Variants in SLC7A2 observed in about 807,000 individuals in gnomAD.
SLC7A2 encodes cationic amino acid transporter 2.
In SLC7A2, 48 loss-of-function variants were observed where a neutral mutation model predicts 58.9. The observed-to-expected ratio is 0.82, with a 90% CI of 0.65 to 1.04. The LOEUF (loss-of-function observed/expected upper bound fraction) is 1.04. Ranked by LOEUF, SLC7A2 falls within the 50% of genes least tolerant of loss-of-function variation. The probability of loss-of-function intolerance (pLI) is 0.00; values close to 1 mark genes in which losing one functional copy is unlikely to be tolerated. For missense variants in SLC7A2, 1,029 were observed against 818.8 expected, an observed-to-expected ratio of 1.26 and a Z score of -3.13; for synonymous variants, 363 against 314.5, an observed-to-expected ratio of 1.15 and a Z score of -1.63.
In SLC7A2 at chr8:17,503,839, G is replaced by A. The variant is rs76174588; in HGVS notation, c.-23+1537G>A. Among the ~76,000 whole-genome samples the A allele has an allele frequency of 9.0e-3, 1,371 of 152,290 alleles. 23 individuals are homozygous for A. Among genetic ancestry groups the A allele is most frequent in the African/African-American group, 0.031 (1,279 of 41,560 alleles). ...TGAATTCACCAGCAAGTTTTAAGTG[G>A]TTTCTTTAATTCAGTTGTGATTTAA... is the stretch of plus-strand genomic sequence containing the variant. On this transcript the variant is annotated intron_variant, in intron 2 of 12. Transcript: ENST00000494857.
intron 2 of SLC7A2, among the ~76,000 whole-genome samples, chr8:17,516,878 G>T (rs1800825602): frequency 6.6e-6 from 1 of 152,160 alleles, no homozygotes; most frequent in Non-Finnish European, 1.5e-5. Flanking sequence ...TAGGTATTTG[G>T]GATAAACCAG....
At chr8:17,496,864 C>T (rs1489512703), upstream of SLC7A2, among the ~76,000 whole-genome samples, 1 of 151,992 alleles carries the variant, frequency 6.6e-6, no homozygotes, top group East Asian at 1.9e-4. Flanking sequence ...GCCCACCGGC[C>T]TAGCCCGGGG....
At chr8:17,516,498 A>C (rs779192981) in intron 2 of SLC7A2, among the ~76,000 whole-genome samples, 5 of 152,210 alleles carry the variant, frequency 3.3e-5, no homozygotes, top group African/African-American at 4.8e-5. Flanking sequence ...AGCTGGGATG[A>C]CAGGCGTGAG....
Position 17,568,996 on chromosome 8 carries a change from T to C in SLC7A2, c.*3850T>C, listed in dbSNP as rs758057690. ...AAAAATAAAAATAAAACACTTTAAT[T>C]AGAATCTATTTTTACCTATTTTCTA... On this transcript the variant is annotated 3_prime_UTR_variant, in exon 13 of 13. Transcript: ENST00000494857. The C allele has an allele frequency of 4.6e-5, 7 of 152,034 alleles. No homozygotes were observed. The highest frequency in any genetic ancestry group is 1.0e-4 in the Non-Finnish European group (7 of 67,984). The allele number at this position is 152,034 out of a possible 1,614,324, so 9.4% of individuals were successfully genotyped here. A position where few individuals can be genotyped will look rare whatever the true frequency, so the allele number is the denominator to read the frequency against.
At chr8:17,545,011 T>C (rs1295898782) in intron 4 of SLC7A2, among the ~76,000 whole-genome samples, 2 of 152,244 alleles carry the variant, frequency 1.3e-5, no homozygotes, top group Non-Finnish European at 2.9e-5. Flanking sequence ...TTTTCTGACA[T>C]GGCTTCATCT....
At chr8:17,529,104 A>G (rs1382427197) in intron 2 of SLC7A2, among the ~76,000 whole-genome samples, 2 of 152,370 alleles carry the variant, frequency 1.3e-5, no homozygotes, top group African/African-American at 4.8e-5. Flanking sequence ...AGGCTTTAAC[A>G]TTAAATGTTA....
rs559031214 is a variant in SLC7A2 at position 17,564,980 on chromosome 8, G to C, written c.1811G>C (p.Arg604Thr). 38 of 1,610,104 alleles carry C rather than the reference G, an allele frequency of 2.4e-5. No individual in the cohort carries two copies. In the African/African-American group the frequency reaches 4.4e-4, roughly 19 times the overall value. The change falls in exon 13 of 13, where the codon AGA (arginine) becomes ACA (threonine). Residue 604 changes from arginine to threonine, a missense_variant. Coordinates refer to ENST00000494857, the MANE Select transcript of SLC7A2 (RefSeq NM_001370338.1). ...GFLIYFSYGI[R>T]HSLEGHLRDE... is the part of the protein sequence containing the mutation. ...CTGATTTACTTTTCTTATGGCATTA[G>C]ACACAGCCTGGAGGGTCATCTGAGA... is the stretch of plus-strand genomic sequence containing the variant.
At chr8:17,564,156 C>T (rs545026295) in intron 12 of SLC7A2, among the ~76,000 whole-genome samples, 6 of 152,260 alleles carry the variant, frequency 3.9e-5, no homozygotes, top group Non-Finnish European at 5.9e-5. Flanking sequence ...GACAGTGACA[C>T]GTGTAAAGCA....
intron 4 of SLC7A2, among the ~76,000 whole-genome samples, chr8:17,546,082 A>T (rs1254854392): frequency 6.6e-6 from 1 of 152,172 alleles, no homozygotes; most frequent in Non-Finnish European, 1.5e-5. Flanking sequence ...CAAAGAATTG[A>T]TTTTTGTTTT....
intron 2 of SLC7A2, among the ~76,000 whole-genome samples, chr8:17,521,813 A>G (rs770077044): frequency 5.9e-5 from 9 of 152,228 alleles, no homozygotes; most frequent in Non-Finnish European, 1.3e-4. Context: ...AAAGGAAGAA[A>G]TCAAACCCAA....
intron 1 of SLC7A2, chr8:17,498,936 T>C (rs151197328): frequency 6.6e-6 from 1 of 152,364 alleles, no homozygotes; most frequent in African/African-American, 2.4e-5. Context: ...GCTGGAGTTT[T>C]TCATCTTGCA....
Position 17,504,778 on chromosome 8 carries a change from A to G in SLC7A2, c.-23+2476A>G, listed in dbSNP as rs543447590. ...GAAATTTTACTGCAACTCTTAAAAG[A>G]TTGAGTAACTGACTCAAACAGGAGA... On this transcript the variant is annotated intron_variant, in intron 2 of 12. Coordinates refer to ENST00000494857, the MANE Select transcript of SLC7A2 (RefSeq NM_001370338.1). Among the ~76,000 whole-genome samples, 9 of 152,354 alleles carry G rather than the reference A, an allele frequency of 5.9e-5. No individual in the cohort carries two copies. In the South Asian group the frequency reaches 1.9e-3, roughly 32 times the overall value.
At chr8:17,496,085 A>T (rs1054248376), upstream of SLC7A2, among the ~76,000 whole-genome samples, 2 of 152,214 alleles carry the variant, frequency 1.3e-5, no homozygotes, top group African/African-American at 4.8e-5. Flanking sequence ...GGTTAAAGGG[A>T]CGTTTACTCC....
Position 17,544,539 on chromosome 8 carries a change from A to G in SLC7A2, c.465A>G (p.Arg155=). The G allele has an allele frequency of 6.2e-7, 1 of 1,614,044 alleles. No homozygotes were observed. Among genetic ancestry groups the G allele is most frequent in the Non-Finnish European group, 8.5e-7 (1 of 1,179,936 alleles). The change falls in exon 4 of 13, where the codon AGA becomes AGG. Residue 155 remains arginine (R), a synonymous_variant. Transcript: ENST00000494857. ...QIGQFLRTYF[R]MNYTGLAEYP... ...GTCAGTTTTTGAGGACATACTTCAG[A>G]ATGAATTACACTGGTCTTGCAGAAT...
intron 2 of SLC7A2, among the ~76,000 whole-genome samples, chr8:17,521,976 G>C (rs1351003989): frequency 6.6e-6 from 1 of 152,192 alleles, no homozygotes; most frequent in Non-Finnish European, 1.5e-5. Flanking sequence ...TACTGAGACT[G>C]TGTCCTTAAT....
At chr8:17,522,007 A>C (rs561328221) in intron 2 of SLC7A2, among the ~76,000 whole-genome samples, 1 of 152,320 alleles carries the variant, frequency 6.6e-6, no homozygotes, top group Admixed American at 6.5e-5. Flanking sequence ...GCTGCCTGGC[A>C]ACAGAGCCTC....
chr8:17,497,346 G>T lies in SLC7A2; in HGVS notation c.-69+109G>T, dbSNP rs182476086. ...GCGAGGGCGCCCTGGGGCCGGCGGG[G>T]AACTAGAGGGTCGAGGGCTCCCGGG... On this transcript the variant is annotated intron_variant, in intron 1 of 12. Transcript: ENST00000494857. 699 of 152,202 alleles carry T rather than the reference G, an allele frequency of 4.6e-3. 16 individuals carry two copies. Among genetic ancestry groups the T allele is most frequent in the Admixed American group, 0.034 (519 of 15,286 alleles). 9.4% of individuals were successfully genotyped at this position (152,202 alleles called of 1,614,324 possible).
intron 2 of SLC7A2, among the ~76,000 whole-genome samples, chr8:17,523,268 A>C (rs541322521): frequency 4.6e-5 from 7 of 152,276 alleles, no homozygotes; most frequent in African/African-American, 1.7e-4. Flanking sequence ...ACTAGGAAAA[A>C]CAATCCTAAT....
chr8:17,551,056 A>G (rs1214292058), intron 6 of SLC7A2, among the ~76,000 whole-genome samples: 1 of 152,212 alleles, frequency 6.6e-6, no homozygotes, highest in East Asian at 1.9e-4. Context: ...TTGATACTTA[A>G]GGGCCTACCG....
Sources: gnomAD v4.1 joint callset for allele counts (sites outside exome capture counted in the v4.1 genomes callset) on GRCh38, gnomAD v4.1.1 for gene constraint, MANE v1.5 for transcripts, NCBI Gene and HGNC (gene_info 2026-07-23, HGNC 2026-07-21) for gene names.